Variants in ADAP1 observed in about 807,000 individuals in gnomAD.
ADAP1 encodes the protein ArfGAP with dual PH domains 1.
Under a neutral mutation model 54.9 loss-of-function variants are expected in ADAP1, and 31 were observed. The observed-to-expected ratio is 0.56, with a 90% CI of 0.42 to 0.76. The LOEUF is 0.76. ADAP1 is among the 30% of genes least tolerant of loss of function. ADAP1 has a pLI of 0.00. For synonymous variants in ADAP1, 313 were observed against 202.6 expected, an observed-to-expected ratio of 1.55 and a Z score of -4.63; for missense variants, 535 against 512.4, an observed-to-expected ratio of 1.04 and a Z score of -0.42.
At chr7:925,697 G>A (rs185121390) in intron 3 of ADAP1, among the ~76,000 whole-genome samples, 176 of 152,386 alleles carry the variant, frequency 1.2e-3, no homozygotes, top group Non-Finnish European at 6.8e-4. Context: ...GCAACGGCAC[G>A]TGGGCCCCTC....
At chr7:899,376 C>T (rs1844666477) in intron 9 of ADAP1, 43 bp downstream of exon 9, 3 of 1,609,906 alleles carry the variant, frequency 1.9e-6, no homozygotes, top group Non-Finnish European at 2.5e-6. Context: ...CAACCCCAGC[C>T]AGTGAGCTGC....
chr7:907,843 G>A (rs1366918951), intron 4 of ADAP1, among the ~76,000 whole-genome samples: 1 of 152,238 alleles, frequency 6.6e-6, no homozygotes, highest in East Asian at 1.9e-4. Flanking sequence ...CTGGGATCAC[G>A]GGGCCGTCTG....
chr7:899,094 C>T lies in ADAP1; in HGVS notation c.1035G>A (p.Arg345=), dbSNP rs756943337. 31 of 1,608,370 alleles carry T rather than the reference C, an allele frequency of 1.9e-5. No individual in the cohort carries two copies. The highest frequency in any genetic ancestry group is 2.5e-5 in the Non-Finnish European group (30 of 1,179,942). ...LFACETESDQ[R]EWVAAFQKAV... is the part of the protein sequence containing the mutation. ...CCTTCTGGAAGGCCGCCACCCACTC[C>T]CTCTGGTCGGACTCCGTCTCGCAGG... Residue 345 remains arginine, a synonymous_variant, in exon 10 of 11, where the codon AGG becomes AGA. Coordinates refer to ENST00000265846, the MANE Select transcript of ADAP1 (RefSeq NM_006869.4).
At chr7:905,574 A>AGAAAGGAGAAAGGAGAAAGGAGAAAGG (rs1845172570) in intron 4 of ADAP1, 1 of 21,954 alleles carries the variant, frequency 4.6e-5, no homozygotes, top group Admixed American at 6.8e-4. Context: ...AGGAGAAAGG[A>AGAAAGGAGAAAGGAGAAAGGAGAAAGG]GAAAGGAGAA....
intron 4 of ADAP1, among the ~76,000 whole-genome samples, chr7:907,169 C>T (rs546448602): frequency 1.3e-5 from 2 of 152,266 alleles, no homozygotes; most frequent in East Asian, 3.9e-4. Flanking sequence ...TGTGGCCTCA[C>T]GCACACCACA....
At chr7:904,634 G>A (rs928582861) in intron 5 of ADAP1, among the ~76,000 whole-genome samples, 4 of 152,238 alleles carry the variant, frequency 2.6e-5, no homozygotes, top group Admixed American at 2.0e-4. Context: ...GGGTGCTTCT[G>A]ACCATCAGCC....
intron 4 of ADAP1, among the ~76,000 whole-genome samples, chr7:912,148 G>T (rs68017541): frequency 0.26 from 38,995 of 152,054 alleles, 5,273 homozygotes; most frequent in African/African-American, 0.32. Flanking sequence ...GCCCATCCCT[G>T]CCTGGTACCA....
upstream of ADAP1, among the ~76,000 whole-genome samples, chr7:954,985 C>T (rs4722935): frequency 0.25 from 38,725 of 152,080 alleles, 5,125 homozygotes; most frequent in South Asian, 0.42. Flanking sequence ...CCTGCCGAGC[C>T]CCCCAAGACC....
chr7:903,310 G>A (rs903949206), intron 6 of ADAP1, among the ~76,000 whole-genome samples: 2 of 151,966 alleles, frequency 1.3e-5, no homozygotes, highest in East Asian at 3.9e-4. Flanking sequence ...CACGTGGGAG[G>A]GGATGGAAAG....
At chr7:904,907 G>A (rs1161827757) in intron 5 of ADAP1, among the ~76,000 whole-genome samples, 153 bp downstream of exon 5, 10 of 152,206 alleles carry the variant, frequency 6.6e-5, no homozygotes, top group African/African-American at 2.2e-4. Context: ...CAGAGGCTCA[G>A]CCCAACACAG....
At chr7:931,419 C>T (rs1846573021) in intron 2 of ADAP1, among the ~76,000 whole-genome samples, 1 of 152,190 alleles carries the variant, frequency 6.6e-6, no homozygotes, top group African/African-American at 2.4e-5. Context: ...AGCTGTCACA[C>T]AGGCTGCAGC....
chr7:898,242 C>G lies in ADAP1; in HGVS notation c.*679G>C, dbSNP rs141353086. The G allele has an allele frequency of 6.5e-6, 1 of 154,252 alleles. No individual in the cohort carries two copies. Among genetic ancestry groups the G allele is most frequent in the Non-Finnish European group, 1.4e-5 (1 of 69,430 alleles). The allele number at this position is 154,252 out of a possible 1,614,324, so 9.6% of individuals were successfully genotyped here. ...TGGTGGCCTCACCGCGGCCCAGGCC[C>G]TCGTCCCCAAGGGTTCAGACACCAC... On this transcript the variant is annotated 3_prime_UTR_variant, in exon 11 of 11. Coordinates refer to ENST00000265846, the MANE Select transcript of ADAP1 (RefSeq NM_006869.4).
At chr7:900,019 G>A in intron 8 of ADAP1, 83 bp downstream of exon 8, 3 of 1,519,710 alleles carry the variant, frequency 2.0e-6, no homozygotes, top group Non-Finnish European at 2.7e-6. Flanking sequence ...ACAGGCGGCA[G>A]CTGGCAAGGC....
chr7:904,902 G>A (rs928713496), intron 5 of ADAP1, among the ~76,000 whole-genome samples, 158 bp downstream of exon 5: 5 of 152,226 alleles, frequency 3.3e-5, no homozygotes, highest in African/African-American at 1.2e-4. Context: ...GCACACAGAG[G>A]CTCAGCCCAA....
At chr7:911,037 C>T (rs765097311) in intron 4 of ADAP1, among the ~76,000 whole-genome samples, 2 of 152,180 alleles carry the variant, frequency 1.3e-5, no homozygotes, top group East Asian at 1.9e-4. Context: ...CCACGCTCTC[C>T]GACCCATTAA....
chr7:900,774 G>T, intron 6 of ADAP1, 158 bp from the exon 7 acceptor site: 1 of 690,660 alleles, frequency 1.4e-6, no homozygotes, highest in Non-Finnish European at 2.5e-6. Context: ...CCGCAGGCCT[G>T]GCCCCTGTGC....
At position 900,107 on chromosome 7, in the gene ADAP1, G is replaced by GC; in HGVS notation, c.789dup (p.Pro264AlafsTer16). ...CGCACGTGCGGCACACCCACCTTGGGCCCCGTCTTCTCCATGTAGCCTTCC... is the reference window on the plus strand; with the variant it reads ...CGCACGTGCGGCACACCCACCTTGGGCCCCCGTCTTCTCCATGTAGCCTTCC... On this transcript the variant is annotated frameshift_variant, in exon 8 of 11. Transcript: ENST00000265846. LOFTEE classifies it high-confidence loss of function. 6.2e-7 allele frequency: 1 copy of GC among 1,613,156 alleles called. No homozygotes were observed. The highest frequency in any genetic ancestry group is 2.2e-5 in the East Asian group (1 of 44,860).
rs769811232 is a variant in ADAP1 at position 904,242 on chromosome 7, C to T, written c.532G>A (p.Glu178Lys). Reference sequence around the variant, plus strand: ...GGCTGGAAGGTGGCGTTCAGGTGCTCGATCTTCATCACGGCCTTGGGCTCC... The same window carrying T: ...GGCTGGAAGGTGGCGTTCAGGTGCTTGATCTTCATCACGGCCTTGGGCTCC... ...AKEPKAVMKIEHLNATFQPAK... is the reference protein window; with the variant it reads ...AKEPKAVMKIKHLNATFQPAK... Residue 178 changes from glutamate (E) to lysine (K), a missense_variant, in exon 6 of 11, where the codon GAG becomes AAG. By Grantham distance (56) the Glu-to-Lys change is moderately conservative (BLOSUM62 1). Coordinates refer to ENST00000265846, the MANE Select transcript of ADAP1 (RefSeq NM_006869.4). 12 of 1,607,068 alleles carry T rather than the reference C, an allele frequency of 7.5e-6. No individual in the cohort carries two copies. The highest frequency in any genetic ancestry group is 1.7e-5 in the Admixed American group (1 of 59,560).
At chr7:930,931 G>T (rs1314411359) in intron 2 of ADAP1, among the ~76,000 whole-genome samples, 1 of 148,080 alleles carries the variant, frequency 6.8e-6, no homozygotes, top group African/African-American at 2.5e-5. Flanking sequence ...AGTGAGCTAT[G>T]ATAGTGCCAC....
Sources: allele counts gnomAD v4.1 joint callset (sites outside exome capture counted in the v4.1 genomes callset), GRCh38; gene constraint gnomAD v4.1.1; transcripts MANE v1.5; gene names NCBI Gene and HGNC (gene_info 2026-07-23, HGNC 2026-07-21).